RICTOR: variants seen among roughly 807,000 people sequenced by gnomAD.
RICTOR encodes rapamycin-insensitive companion of mTOR.
RICTOR carries 49 observed loss-of-function variants against 214.9 expected under a neutral mutation model. That is an observed-to-expected ratio of 0.23 (90% CI 0.18 to 0.29). The LOEUF (loss-of-function observed/expected upper bound fraction) is 0.29, where lower values mean the gene tolerates loss of function less well. RICTOR is among the 10% of genes least tolerant of loss of function. The pLI is 1.00. For synonymous variants in RICTOR, 717 were observed against 711.3 expected (o/e 1.01, Z -0.13); for missense variants, 1,625 against 2,047.0 (o/e 0.79, Z 3.98).
chr5:38,987,905 G>T (rs1040259512), intron 7 of RICTOR, among the ~76,000 whole-genome samples: 1 of 152,066 alleles, frequency 6.6e-6, no homozygotes, highest in African/African-American at 2.4e-5. Context: ...GGTATGCTGT[G>T]TTTTTGTTCC....
In RICTOR at chr5:38,958,716, G is replaced by A. The variant is rs1303790479; in HGVS notation, c.2294C>T (p.Thr765Met). 3.7e-6 allele frequency: 6 copies of A among 1,611,498 alleles called. No homozygotes were observed. The highest frequency in any genetic ancestry group is 4.2e-6 in the Non-Finnish European group (5 of 1,178,848). Residue 765 changes from threonine (T) to methionine (M), a missense_variant, in exon 23 of 38, where the codon ACG becomes ATG. Thr to Met is a moderately conservative substitution (Grantham distance 81, BLOSUM62 -1). Transcript: ENST00000357387. ...GATATCAAGAGCTTCAGAGGAAATC[G>A]TTTTGTTTTTATCATGTAGCTGGGT... ...LVTQLHDKNK[T>M]ISSEALDILD...
intron 19 of RICTOR, among the ~76,000 whole-genome samples, 182 bp downstream of exon 19, chr5:38,962,132 AT>A (rs1445017069): frequency 4.1e-5 from 6 of 147,206 alleles, no homozygotes; most frequent in African/African-American, 1.5e-4. Flanking sequence ...TAGAAAAAGA[AT>A]TTGCTAATAT....
At chr5:39,024,015 C>G (rs778427883) in intron 2 of RICTOR, among the ~76,000 whole-genome samples, 1 of 152,024 alleles carries the variant, frequency 6.6e-6, no homozygotes, top group South Asian at 2.1e-4. Flanking sequence ...TCCATGGACC[C>G]GGGGTGGGGA....
At chr5:38,977,093 T>C (rs946467673) in intron 9 of RICTOR, among the ~76,000 whole-genome samples, 2 of 152,170 alleles carry the variant, frequency 1.3e-5, no homozygotes, top group Non-Finnish European at 2.9e-5. Flanking sequence ...GATTCCAGCA[T>C]TGTTGCCTTT....
At chr5:39,071,949 AAAT>A (rs1313311905) in intron 2 of RICTOR, among the ~76,000 whole-genome samples, 2 of 152,226 alleles carry the variant, frequency 1.3e-5, no homozygotes, top group East Asian at 3.9e-4. Context: ...CACAGTTCTC[AAAT>A]TATTACTAAA....
chr5:39,041,648 T>C (rs770184282), intron 2 of RICTOR, among the ~76,000 whole-genome samples: 17 of 152,256 alleles, frequency 1.1e-4, no homozygotes, highest in Middle Eastern at 3.4e-3. Flanking sequence ...ATTGGGTAAA[T>C]TGATGTATGA....
chr5:39,066,404 G>A (rs1481777471), intron 2 of RICTOR, among the ~76,000 whole-genome samples: 1 of 152,226 alleles, frequency 6.6e-6, no homozygotes, highest in Non-Finnish European at 1.5e-5. Flanking sequence ...GGCCTATGAT[G>A]AGAGGGGCTG....
chr5:39,036,546 A>G (rs1231749707), intron 2 of RICTOR, among the ~76,000 whole-genome samples: 1 of 152,222 alleles, frequency 6.6e-6, no homozygotes, highest in Non-Finnish European at 1.5e-5. Flanking sequence ...ATCAAGACCC[A>G]TCAGTGTGCT....
chr5:38,946,769 C>T (rs1230513874), intron 32 of RICTOR, among the ~76,000 whole-genome samples: 1 of 152,026 alleles, frequency 6.6e-6, no homozygotes, highest in Non-Finnish European at 1.5e-5. Flanking sequence ...ATTATTTTAG[C>T]GTTTATCTAA....
intron 3 of RICTOR, among the ~76,000 whole-genome samples, chr5:39,015,948 A>C (rs567265108): frequency 2.8e-4 from 43 of 152,268 alleles, no homozygotes; most frequent in African/African-American, 1.0e-3. Flanking sequence ...GCAAGTCTCC[A>C]TCTGTTTCAT....
chr5:39,034,503 A>G (rs1236133809), intron 2 of RICTOR, among the ~76,000 whole-genome samples: 1 of 152,246 alleles, frequency 6.6e-6, no homozygotes, highest in Non-Finnish European at 1.5e-5. Flanking sequence ...TGCATGAGCC[A>G]AAGCAGGGCG....
intron 2 of RICTOR, among the ~76,000 whole-genome samples, chr5:39,058,090 G>C (rs1048326367): frequency 6.6e-6 from 1 of 151,774 alleles, no homozygotes; most frequent in Admixed American, 6.6e-5. Context: ...CAAAATACCC[G>C]GTTTAAATTT....
At chr5:38,996,689 T>G (rs940545777) in intron 6 of RICTOR, 130 bp downstream of exon 6, 14 of 546,656 alleles carry the variant, frequency 2.6e-5, no homozygotes, top group Non-Finnish European at 4.1e-5. Flanking sequence ...AATATAAAAC[T>G]TTAATAAAAA....
At chr5:39,058,582 T>C (rs889098651) in intron 2 of RICTOR, among the ~76,000 whole-genome samples, 11 of 152,246 alleles carry the variant, frequency 7.2e-5, no homozygotes, top group African/African-American at 2.6e-4. Context: ...TATTTATATA[T>C]GTATGCTCTT....
intron 5 of RICTOR, among the ~76,000 whole-genome samples, chr5:39,002,139 G>A (rs1173144294): frequency 7.1e-6 from 1 of 141,334 alleles, no homozygotes; most frequent in Non-Finnish European, 1.5e-5. Flanking sequence ...AATAAATTGT[G>A]GTCTATTTAT....
In RICTOR at chr5:38,959,973, C is replaced by G. The variant is rs762080055; in HGVS notation, c.1857G>C (p.Gly619=). 1 of 1,600,396 alleles carries G rather than the reference C, an allele frequency of 6.2e-7. No individual in the cohort carries two copies. Among genetic ancestry groups the G allele is most frequent in the Non-Finnish European group, 8.6e-7 (1 of 1,168,128 alleles). ...TEFLLESEED[G]QGYLEDLVKD... ...TTACTAGATCTTCTAAGTAGCCTTG[C>G]CCATCCTAAAAGTAAATACATTGTG... is the stretch of plus-strand genomic sequence containing the variant. Residue 619 remains glycine (G), a synonymous_variant, in exon 21 of 38, where the codon GGG becomes GGC. Coordinates refer to ENST00000357387, the MANE Select transcript of RICTOR (RefSeq NM_152756.5).
chr5:39,025,554 G>C (rs886380334), intron 2 of RICTOR, among the ~76,000 whole-genome samples: 17 of 152,184 alleles, frequency 1.1e-4, no homozygotes, highest in African/African-American at 3.6e-4. Context: ...GAGACCGAAT[G>C]GCTTATTAAG....
At position 38,957,886 on chromosome 5, in the gene RICTOR, C is replaced by T. The variant is rs1488461633; in HGVS notation, c.2421-156G>A. Among the ~76,000 whole-genome samples, 3 of 152,152 alleles carry T rather than the reference C, an allele frequency of 2.0e-5. No individual in the cohort carries two copies. The East Asian group carries it at 5.8e-4, about 29-fold the overall frequency. Reference sequence around the variant, plus strand: ...AAAGGTCAACTATAATTTATTATAACTTCAATTACAAATAAATTTTCACAA... The same window carrying T: ...AAAGGTCAACTATAATTTATTATAATTTCAATTACAAATAAATTTTCACAA... On this transcript the variant is annotated intron_variant, in intron 24 of 37. Coordinates refer to ENST00000357387, the MANE Select transcript of RICTOR (RefSeq NM_152756.5).
chr5:39,020,380 T>C (rs1459084044), intron 3 of RICTOR, among the ~76,000 whole-genome samples: 1 of 152,064 alleles, frequency 6.6e-6, no homozygotes, highest in Non-Finnish European at 1.5e-5. Context: ...TTTAAAGAAA[T>C]CGCTACAGTC....
Sources: gnomAD v4.1 joint callset for allele counts (sites outside exome capture counted in the v4.1 genomes callset) on GRCh38, gnomAD v4.1.1 for gene constraint, MANE v1.5 for transcripts, NCBI Gene and HGNC (gene_info 2026-07-23, HGNC 2026-07-21) for gene names.